Variants in IGF2R observed in about 807,000 individuals in gnomAD.
IGF2R encodes the protein insulin like growth factor 2 receptor, also known as cation-independent mannose-6-phosphate receptor.
In IGF2R, 91 loss-of-function variants were observed where a neutral mutation model predicts 270.6. The observed-to-expected ratio is 0.34, with a 90% CI of 0.28 to 0.40. The LOEUF is 0.40. Ranked by LOEUF, IGF2R falls within the 10% of genes least tolerant of loss-of-function variation. The pLI, the probability that IGF2R is intolerant of heterozygous loss-of-function variation, is 1.00. For missense variants in IGF2R, 2,805 were observed against 3,188.3 expected (o/e 0.88, Z 2.90); for synonymous variants, 1,316 against 1,258.9 (o/e 1.05, Z -0.96).
chr6:160,055,807 C>T (rs997114097), intron 19 of IGF2R, among the ~76,000 whole-genome samples: 14 of 152,082 alleles, frequency 9.2e-5, no homozygotes, highest in African/African-American at 2.7e-4. Context: ...ACTCCCTGAT[C>T]GGCAGCTACC....
intron 5 of IGF2R, among the ~76,000 whole-genome samples, chr6:160,025,172 C>G (rs991211885): frequency 6.6e-6 from 1 of 152,224 alleles, no homozygotes; most frequent in Non-Finnish European, 1.5e-5. Flanking sequence ...TTAGCTTAAG[C>G]TTTAGAATCT....
chr6:160,055,046 C>A (rs766611985), intron 19 of IGF2R, among the ~76,000 whole-genome samples: 1 of 148,972 alleles, frequency 6.7e-6, no homozygotes, highest in African/African-American at 2.5e-5. Context: ...GAATGAATGA[C>A]GGGCAGGCTG....
intron 1 of IGF2R, among the ~76,000 whole-genome samples, chr6:159,988,453 C>G (rs1357310670): frequency 7.5e-6 from 1 of 133,176 alleles, no homozygotes; most frequent in African/African-American, 2.9e-5. Flanking sequence ...GTGGAGCTTG[C>G]AATGAGCGGA....
intron 18 of IGF2R, among the ~76,000 whole-genome samples, chr6:160,049,516 C>T (rs1198373926): frequency 1.3e-5 from 2 of 152,104 alleles, no homozygotes; most frequent in Non-Finnish European, 2.9e-5. Flanking sequence ...AGCCCTGGGG[C>T]CAGTTGGACG....
Position 160,072,880 on chromosome 6 carries a change from C to T in IGF2R, c.4686C>T (p.Gly1562=), listed in dbSNP as rs886899953. 1.1e-5 allele frequency: 18 copies of T among 1,611,178 alleles called. No individual in the cohort carries two copies. The highest frequency in any genetic ancestry group is 3.3e-5 in the South Asian group (3 of 90,626). The change falls in exon 33 of 48, where the codon GGC becomes GGT. Residue 1562 remains glycine, a synonymous_variant. Transcript: ENST00000356956. ...ICGENENCPP[G]VGACFGQTRI... ...GGGAGAATGAAAACTGCCCTCCTGG[C>T]GTGGGTGAGTGCTGTGGTCTCTCGT...
At chr6:160,021,177 C>G (rs1342160791) in intron 4 of IGF2R, among the ~76,000 whole-genome samples, 1 of 151,874 alleles carries the variant, frequency 6.6e-6, no homozygotes, top group Non-Finnish European at 1.5e-5. Context: ...ATACAAATGG[C>G]CAAGAATCTC....
At chr6:160,017,631 G>A (rs1277058111) in intron 4 of IGF2R, among the ~76,000 whole-genome samples, 1 of 152,020 alleles carries the variant, frequency 6.6e-6, no homozygotes, top group Non-Finnish European at 1.5e-5. Context: ...CACCTATAAA[G>A]AAAATCCCAT....
chr6:160,032,819 AGAGAGCTGTAGTTTGGGCTGGT>A, intron 8 of IGF2R, 101 bp from the exon 9 acceptor site: 1 of 1,414,726 alleles, frequency 7.1e-7, no homozygotes, highest in South Asian at 1.3e-5. Context: ...TCTGGGTTGG[AGAGAGCTGTAGTTTGGGCTGGT>A]GTTTCAGAAA....
chr6:159,983,752 AGT>A (rs1453457084), intron 1 of IGF2R, among the ~76,000 whole-genome samples: 1 of 152,054 alleles, frequency 6.6e-6, no homozygotes, highest in Non-Finnish European at 1.5e-5. Context: ...ATTAAAGGAG[AGT>A]GTGCATCTGA....
rs758646763 is a variant in IGF2R, at chr6:160,075,805, G to C, written c.5167-42G>C. ...CTTAATTCCACTAACCTTGGGAATG[G>C]TTAATTTCCTGAAATACTGTTTGCC... is the stretch of plus-strand genomic sequence containing the variant. On this transcript the variant is annotated intron_variant, in intron 35 of 47. Transcript: ENST00000356956. 3 of 1,600,418 alleles carry C rather than the reference G, an allele frequency of 1.9e-6. No homozygotes were observed. In the Admixed American group the frequency reaches 5.0e-5, roughly 27 times the overall value.
chr6:159,989,434 T>A (rs1783943249), intron 1 of IGF2R, among the ~76,000 whole-genome samples: 1 of 152,096 alleles, frequency 6.6e-6, no homozygotes, highest in Non-Finnish European at 1.5e-5. Context: ...AAGGGAGTAC[T>A]GCATAGGGTG....
chr6:159,975,250 G>A (rs1212968297), intron 1 of IGF2R, among the ~76,000 whole-genome samples: 3 of 152,208 alleles, frequency 2.0e-5, no homozygotes, highest in Non-Finnish European at 1.5e-5. Flanking sequence ...CAGAACTCAG[G>A]AAAACACTGA....
chr6:160,051,289 G>T (rs1186451873), intron 19 of IGF2R, among the ~76,000 whole-genome samples: 1 of 152,216 alleles, frequency 6.6e-6, no homozygotes, highest in African/African-American at 2.4e-5. Context: ...TCTCTTTGGA[G>T]CCTGAATGAG....
intron 37 of IGF2R, among the ~76,000 whole-genome samples, chr6:160,079,158 G>A (rs564555599): frequency 6.7e-4 from 102 of 152,316 alleles, no homozygotes; most frequent in African/African-American, 2.0e-3. Flanking sequence ...CCTTCTGGGC[G>A]CTGGGTGGGC....
chr6:160,069,104 G>A (rs1778657508), intron 30 of IGF2R, among the ~76,000 whole-genome samples: 1 of 152,070 alleles, frequency 6.6e-6, no homozygotes, highest in Non-Finnish European at 1.5e-5. Context: ...TGTATGGTCG[G>A]TCCTTTTGTG....
intron 6 of IGF2R, 27 bp from the exon 7 acceptor site, chr6:160,029,523 A>G: frequency 6.8e-7 from 1 of 1,460,778 alleles, no homozygotes; most frequent in East Asian, 2.3e-5. Flanking sequence ...CTTTTGTAAT[A>G]CTCTTTTCTC....
At chr6:160,044,692 CTTCT>C in intron 13 of IGF2R, 35 bp downstream of exon 13, 1 of 1,565,030 alleles carries the variant, frequency 6.4e-7, no homozygotes, top group Non-Finnish European at 8.7e-7. Context: ...TCTTTTCTGG[CTTCT>C]GCCAGAGGTC....
intron 20 of IGF2R, 40 bp downstream of exon 20, chr6:160,056,565 G>A: frequency 7.6e-7 from 1 of 1,319,106 alleles, no homozygotes; most frequent in Non-Finnish European, 1.1e-6. Flanking sequence ...TGAGCTGCCT[G>A]CTGGACATCC....
intron 10 of IGF2R, 55 bp downstream of exon 10, chr6:160,034,577 G>C: frequency 8.7e-7 from 1 of 1,152,684 alleles, no homozygotes; most frequent in East Asian, 2.4e-5. Context: ...GCATGTGCTT[G>C]TGTGTGTGCA....
Sources: gnomAD v4.1 joint callset for allele counts (sites outside exome capture counted in the v4.1 genomes callset) on GRCh38, gnomAD v4.1.1 for gene constraint, MANE v1.5 for transcripts, NCBI Gene and HGNC (gene_info 2026-07-23, HGNC 2026-07-21) for gene names.